Variants in AVEN observed in about 807,000 individuals in gnomAD.
The protein encoded by AVEN is cell death regulator Aven.
AVEN carries 41 observed loss-of-function variants against 38.1 expected under a neutral mutation model. The ratio of observed to expected loss-of-function variants is 1.08; its 90% CI spans 0.84 to 1.40. AVEN has a LOEUF of 1.40. Among genes scored for constraint, AVEN ranks in the 40% most tolerant of loss-of-function variants. The pLI is 0.00. For synonymous variants in AVEN, 206 were observed against 171.8 expected, an observed-to-expected ratio of 1.20 and a Z score of -1.56; for missense variants, 605 against 438.8, an observed-to-expected ratio of 1.38 and a Z score of -3.38.
chr15:33,855,010 C>G (rs1411948463), downstream of AVEN: 3 of 1,229,020 alleles, frequency 2.4e-6, no homozygotes, highest in African/African-American at 3.1e-5. Flanking sequence ...AGGAATATGT[C>G]TTGGTATATA....
At chr15:33,999,355 A>G (rs1169260902) in intron 2 of AVEN, among the ~76,000 whole-genome samples, 3 of 152,196 alleles carry the variant, frequency 2.0e-5, no homozygotes, top group Non-Finnish European at 4.4e-5. Flanking sequence ...GCACTACCTC[A>G]GTGCTTTCAT....
At chr15:34,047,523 A>G (rs1473734340) in intron 5 of AVEN, among the ~76,000 whole-genome samples, 2 of 152,226 alleles carry the variant, frequency 1.3e-5, no homozygotes, top group East Asian at 3.9e-4. Flanking sequence ...CTCACAAGAT[A>G]AGACCCACTG....
intron 2 of AVEN, among the ~76,000 whole-genome samples, chr15:33,996,871 G>C (rs1896957706): frequency 1.3e-5 from 2 of 152,238 alleles, no homozygotes; most frequent in South Asian, 4.1e-4. Context: ...TGAGCTGACA[G>C]AAGTAGGCTT....
chr15:34,003,614 T>C (rs551860823), intron 1 of AVEN, among the ~76,000 whole-genome samples: 1 of 152,324 alleles, frequency 6.6e-6, no homozygotes, highest in East Asian at 1.9e-4. Context: ...ATAAACATGT[T>C]TAAAAGCTTT....
chr15:33,873,094 C>CTTTTTTTTTTTTTTT (rs34223352), intron 3 of AVEN, among the ~76,000 whole-genome samples: 2 of 85,104 alleles, frequency 2.4e-5, no homozygotes, highest in Non-Finnish European at 4.2e-5. Context: ...TTTTCCTTTT[C>CTTTTTTTTTTTTTTT]TTTTTTTTTT....
At chr15:33,904,694 A>AAATATATATATAT (rs1464894437) in intron 2 of AVEN, among the ~76,000 whole-genome samples, 1 of 112,742 alleles carries the variant, frequency 8.9e-6, no homozygotes, top group African/African-American at 2.9e-5. Context: ...AAAAAAAAAA[A>AAATATATATATAT]ATATATATAT....
intron 1 of AVEN, among the ~76,000 whole-genome samples, chr15:34,036,715 C>G (rs1046634582): frequency 6.6e-6 from 1 of 152,134 alleles, no homozygotes; most frequent in African/African-American, 2.4e-5. Flanking sequence ...GGGATAAGAC[C>G]AACTCGACAA....
intron 1 of AVEN, among the ~76,000 whole-genome samples, chr15:34,003,462 T>G (rs543024690): frequency 2.0e-5 from 3 of 152,322 alleles, no homozygotes; most frequent in African/African-American, 7.2e-5. Context: ...TCTCTAAAAT[T>G]TATCCCTATG....
chr15:33,936,137 GAAA>G (rs142903091), intron 2 of AVEN, among the ~76,000 whole-genome samples: 3 of 144,186 alleles, frequency 2.1e-5, no homozygotes, highest in Admixed American at 2.1e-4. Context: ...TCCCACTAAA[GAAA>G]AAAAAAACAA....
chr15:33,881,827 G>C (rs1321351411), intron 2 of AVEN, among the ~76,000 whole-genome samples: 1 of 152,196 alleles, frequency 6.6e-6, no homozygotes, highest in African/African-American at 2.4e-5. Context: ...TTGTTTGCCA[G>C]AAGAGTTCCT....
intron 2 of AVEN, among the ~76,000 whole-genome samples, chr15:33,926,736 C>T (rs1158220143): frequency 6.6e-6 from 1 of 152,154 alleles, no homozygotes; most frequent in East Asian, 1.9e-4. Flanking sequence ...CTCACTGAAA[C>T]CTCCACTGCC....
At chr15:33,887,169 C>T (rs1022074917) in intron 2 of AVEN, among the ~76,000 whole-genome samples, 6 of 151,940 alleles carry the variant, frequency 3.9e-5, no homozygotes, top group Admixed American at 3.3e-4. Context: ...GGTTCTATTA[C>T]CACAGAGAAA....
At chr15:33,911,959 T>G (rs1296667624) in intron 2 of AVEN, among the ~76,000 whole-genome samples, 2 of 152,138 alleles carry the variant, frequency 1.3e-5, no homozygotes, top group Non-Finnish European at 2.9e-5. Context: ...ATAACAGTAT[T>G]TGAATAAGCA....
At chr15:33,936,353 C>G (rs1567422146) in intron 2 of AVEN, among the ~76,000 whole-genome samples, 1 of 152,176 alleles carries the variant, frequency 6.6e-6, no homozygotes, top group Admixed American at 6.5e-5. Flanking sequence ...ATGTGTTCCT[C>G]TGATGACTAG....
chr15:33,894,174 T>G (rs1892109631), intron 2 of AVEN, among the ~76,000 whole-genome samples: 1 of 152,004 alleles, frequency 6.6e-6, no homozygotes, highest in Non-Finnish European at 1.5e-5. Flanking sequence ...GATCTCAAAC[T>G]CTTGACCTTA....
downstream of AVEN, chr15:33,864,329 C>A (rs1172583309): frequency 1.1e-5 from 7 of 645,074 alleles, no homozygotes; most frequent in Non-Finnish European, 1.8e-5. Context: ...TTTTGTGACT[C>A]AATAAGAAGC....
rs1454526107 is a variant in AVEN, at chr15:33,899,263, G to T, written c.446-23268C>A. Among the ~76,000 whole-genome samples, 3 of 152,024 alleles carry T rather than the reference G, an allele frequency of 2.0e-5. 1 individual carries two copies. The South Asian group carries it at 6.2e-4, about 32-fold the overall frequency. On this transcript the variant is annotated intron_variant, in intron 2 of 5. Transcript: ENST00000306730. ...CTTTGAACTTGTTCACATCACCCAG[G>T]TAGCAATTACTGATGCTCAAACTGA...
Position 34,039,196 on chromosome 15 carries a change from G to A in AVEN, c.-150C>T. The A allele has an allele frequency of 1.6e-6, 1 of 635,368 alleles. No individual in the cohort carries two copies. Among genetic ancestry groups the A allele is most frequent in the Non-Finnish European group, 2.0e-6 (1 of 502,212 alleles). 39.4% of individuals were successfully genotyped at this position (635,368 alleles called of 1,614,324 possible). On this transcript the variant is annotated 5_prime_UTR_variant, in exon 1 of 6. Transcript: ENST00000306730. Reference sequence around the variant, plus strand: ...GGGTGCGGGGCTAGGGATCGAGGCCGGCCGCAGCGGAGCGGGGCGGGGCGG... The same window carrying A: ...GGGTGCGGGGCTAGGGATCGAGGCCAGCCGCAGCGGAGCGGGGCGGGGCGG...
At chr15:33,980,085 T>C (rs1473713517) in intron 2 of AVEN, among the ~76,000 whole-genome samples, 1 of 152,226 alleles carries the variant, frequency 6.6e-6, no homozygotes, top group Non-Finnish European at 1.5e-5. Context: ...ATCCATGATA[T>C]TGTTTAACAT....
Sources: allele counts gnomAD v4.1 joint callset (sites outside exome capture counted in the v4.1 genomes callset), GRCh38; gene constraint gnomAD v4.1.1; transcripts MANE v1.5; gene names NCBI Gene and HGNC (gene_info 2026-07-23, HGNC 2026-07-21).